RFPL2: variants seen among roughly 807,000 people sequenced by gnomAD.
RFPL2 encodes ret finger protein-like 2.
In RFPL2, 13 loss-of-function variants were observed where a neutral mutation model predicts 17.8. The observed-to-expected ratio is 0.73, with a 90% CI of 0.47 to 1.16. The LOEUF is 1.16. Among genes scored for constraint, RFPL2 ranks in the 50% most tolerant of loss-of-function variants. The pLI, the probability that RFPL2 is intolerant of heterozygous loss-of-function variation, is 0.00. For synonymous variants in RFPL2, 189 were observed against 180.9 expected (o/e 1.04, Z -0.36); for missense variants, 431 against 479.3 (o/e 0.90, Z 0.94).
rs1234870910 is a variant in RFPL2, at chr22:32,192,754, G to A, written c.556+148C>T. On this transcript the variant is annotated intron_variant, in intron 4 of 4. Transcript: ENST00000652607. ...TTGACATCACCAGGTGATTCTGTAT[G>A]TTGTCAGGGCTGAGAATCTGATGAT... 1.2e-5 allele frequency: 14 copies of A among 1,177,648 alleles called. No individual in the cohort carries two copies. In the Admixed American group the frequency reaches 3.0e-4, roughly 25 times the overall value. 72.9% of individuals were successfully genotyped at this position (1,177,648 alleles called of 1,614,324 possible).
chr22:32,192,323 G>A (rs1922749835), intron 4 of RFPL2, among the ~76,000 whole-genome samples: 1 of 152,140 alleles, frequency 6.6e-6, no homozygotes. Flanking sequence ...ATTTTCTGTA[G>A]CCAGGACCAC....
rs769634830 is a variant in RFPL2, at chr22:32,190,712, C to G, written c.*60G>C. Reference sequence around the variant, plus strand: ...AATGCTTTTACGAAGTAGAGCGTTCCTAAGTCTACCCACCCAAGTAATTTT... The same window carrying G: ...AATGCTTTTACGAAGTAGAGCGTTCGTAAGTCTACCCACCCAAGTAATTTT... On this transcript the variant is annotated 3_prime_UTR_variant, in exon 5 of 5. Transcript: ENST00000652607. 1 of 1,479,276 alleles carries G rather than the reference C, an allele frequency of 6.8e-7. No individual in the cohort carries two copies. Among genetic ancestry groups the G allele is most frequent in the Non-Finnish European group, 9.0e-7 (1 of 1,107,954 alleles). The allele number at this position is 1,479,276 out of a possible 1,614,324, so 91.6% of individuals were successfully genotyped here.
At chr22:32,199,900 G>A in intron 2 of RFPL2, 1 of 442,522 alleles carries the variant, frequency 2.3e-6, no homozygotes, top group Non-Finnish European at 4.6e-6. Flanking sequence ...CTGACCTCCT[G>A]CCGCTCGCCC....
At chr22:32,200,877 A>C (rs2123808096) in intron 2 of RFPL2, among the ~76,000 whole-genome samples, 1 of 152,126 alleles carries the variant, frequency 6.6e-6, no homozygotes, top group South Asian at 2.1e-4. Context: ...GCCCGCCTCG[A>C]TTCTTCACCT....
In RFPL2 at chr22:32,191,258, C is replaced by T. The variant is rs1200716952; in HGVS notation, c.651G>A (p.Arg217=). The T allele has an allele frequency of 1.2e-6, 2 of 1,613,956 alleles. No homozygotes were observed. The highest frequency in any genetic ancestry group is 2.2e-5 in the South Asian group (2 of 91,078). Residue 217 remains arginine, a synonymous_variant, in exon 5 of 5, where the codon CGG becomes CGA. Transcript: ENST00000652607. ...CGTCAAATCTCTCGGCAAGGTCTTGCCGATTCTGTCTGATGCGCCCACTTC... is the reference window on the plus strand; with the variant it reads ...CGTCAAATCTCTCGGCAAGGTCTTGTCGATTCTGTCTGATGCGCCCACTTC... The part of the protein sequence containing the change: ...SVRSGRIRQN[R]QDLAERFDVS...
At position 32,194,413 on chromosome 22, in the gene RFPL2, G is replaced by A. The variant is rs1264002217; in HGVS notation, c.197C>T (p.Ala66Val). 1.9e-6 allele frequency: 3 copies of A among 1,610,040 alleles called. No homozygotes were observed. Among genetic ancestry groups the A allele is most frequent in the Non-Finnish European group, 2.5e-6 (3 of 1,178,946 alleles). The change falls in exon 3 of 5, where the codon GCC becomes GTC. Residue 66 changes from alanine (A) to valine (V), a missense_variant. Coordinates refer to ENST00000652607, the MANE Select transcript of RFPL2 (RefSeq NM_001394555.1). ...GNLTNKRPSC[A>V]PSPQDLSAQW... ...GGCGCTCAGGTCTTGTGGGGAAGGGGCACACGAGGGCCTTTTATTGGTGAG... is the reference window on the plus strand; with the variant it reads ...GGCGCTCAGGTCTTGTGGGGAAGGGACACACGAGGGCCTTTTATTGGTGAG...
chr22:32,199,240 G>A (rs1255261582), intron 2 of RFPL2, among the ~76,000 whole-genome samples: 1 of 152,146 alleles, frequency 6.6e-6, no homozygotes, highest in African/African-American at 2.4e-5. Flanking sequence ...GCCGGGCAAA[G>A]GGTCACAGAA....
At chr22:32,200,647 A>G (rs940269070) in intron 2 of RFPL2, among the ~76,000 whole-genome samples, 3 of 151,840 alleles carry the variant, frequency 2.0e-5, no homozygotes, top group African/African-American at 7.3e-5. Flanking sequence ...CCCTGGCTGA[A>G]CCTTCAGATG....
chr22:32,204,609 G>A (rs543463068), intron 1 of RFPL2, among the ~76,000 whole-genome samples, 98 bp downstream of exon 1: 3 of 152,300 alleles, frequency 2.0e-5, no homozygotes, highest in African/African-American at 7.2e-5. Context: ...TTCTGGCTGC[G>A]GTCTAGTCTC....
At chr22:32,198,884 T>C (rs1923635214) in intron 2 of RFPL2, among the ~76,000 whole-genome samples, 1 of 152,144 alleles carries the variant, frequency 6.6e-6, no homozygotes, top group Non-Finnish European at 1.5e-5. Context: ...TAAAACTTGC[T>C]CTGTTCTGTC....
In RFPL2 at chr22:32,192,821, A is replaced by G. The variant is rs552355801; in HGVS notation, c.556+81T>C. On this transcript the variant is annotated intron_variant, in intron 4 of 4. Coordinates refer to ENST00000652607, the MANE Select transcript of RFPL2 (RefSeq NM_001394555.1). ...AGGTGCCAGACAGCAGCTAATCCCCATGTGGAATGAGGGGCCAACTGCACA... is the reference window on the plus strand; with the variant it reads ...AGGTGCCAGACAGCAGCTAATCCCCGTGTGGAATGAGGGGCCAACTGCACA... 2.0e-6 allele frequency: 3 copies of G among 1,515,374 alleles called. No individual in the cohort carries two copies. In the African/African-American group the frequency reaches 4.2e-5, roughly 21 times the overall value. 93.9% of individuals were successfully genotyped at this position (1,515,374 alleles called of 1,614,324 possible).
chr22:32,198,544 G>T (rs1300184015), intron 2 of RFPL2, among the ~76,000 whole-genome samples: 2 of 152,034 alleles, frequency 1.3e-5, no homozygotes, highest in African/African-American at 4.8e-5. Context: ...GTCACAGTGT[G>T]GGGTATTTCA....
intron 2 of RFPL2, among the ~76,000 whole-genome samples, chr22:32,196,350 T>C (rs1242705833): frequency 1.3e-5 from 2 of 152,236 alleles, no homozygotes; most frequent in Non-Finnish European, 2.9e-5. Context: ...AAGATTTTTT[T>C]CTTTGTATAT....
Position 32,192,981 on chromosome 22 carries a change from C to T in RFPL2, c.477G>A (p.Arg159=), listed in dbSNP as rs1335644127. The T allele has an allele frequency of 6.2e-7, 1 of 1,614,172 alleles. No homozygotes were observed. Among genetic ancestry groups the T allele is most frequent in the Non-Finnish European group, 8.5e-7 (1 of 1,180,038 alleles). Residue 159 remains arginine (R), a synonymous_variant, in exon 4 of 5, where the codon AGG becomes AGA. Coordinates refer to ENST00000652607, the MANE Select transcript of RFPL2 (RefSeq NM_001394555.1). The part of the protein sequence containing the change: ...NKIRRNRQLE[R]LASHIKELEP... Reference sequence around the variant, plus strand: ...CCAGTTCCTTGATGTGGGAAGCCAGCCTCTCTAGCTGCCGATTGCGCCTGA... The same window carrying T: ...CCAGTTCCTTGATGTGGGAAGCCAGTCTCTCTAGCTGCCGATTGCGCCTGA...
At chr22:32,193,370 T>A in intron 3 of RFPL2, 178 bp from the exon 4 acceptor site, 1 of 1,535,642 alleles carries the variant, frequency 6.5e-7, no homozygotes, top group South Asian at 1.3e-5. Flanking sequence ...CTTCAGAGAT[T>A]TGAAGTTCTA....
chr22:32,192,966 G>A lies in RFPL2; in HGVS notation c.492C>T (p.Ile164=). The change falls in exon 4 of 5, where the codon ATC becomes ATT. Residue 164 remains isoleucine, a synonymous_variant. Transcript: ENST00000652607. The stretch of plus-strand genomic sequence containing the variant: ...TCTTCAGCTTGGGCTCCAGTTCCTT[G>A]ATGTGGGAAGCCAGCCTCTCTAGCT... ...NRQLERLASH[I]KELEPKLKKI... is the part of the protein sequence containing the mutation. 6.2e-7 allele frequency: 1 copy of A among 1,614,174 alleles called. No homozygotes were observed. The highest frequency in any genetic ancestry group is 2.2e-5 in the East Asian group (1 of 44,880).
chr22:32,203,632 T>G (rs1424614482), intron 1 of RFPL2, among the ~76,000 whole-genome samples: 1 of 145,912 alleles, frequency 6.9e-6, no homozygotes, highest in African/African-American at 2.6e-5. Flanking sequence ...TACACGCTCC[T>G]GGCTGTGGGC....
At chr22:32,193,314 T>G in intron 3 of RFPL2, 122 bp from the exon 4 acceptor site, 1 of 1,591,374 alleles carries the variant, frequency 6.3e-7, no homozygotes, top group Non-Finnish European at 8.6e-7. Context: ...ACTCCGAGAA[T>G]AAGACCATGA....
At chr22:32,198,777 C>T (rs1923624699) in intron 2 of RFPL2, among the ~76,000 whole-genome samples, 1 of 152,074 alleles carries the variant, frequency 6.6e-6, no homozygotes, top group South Asian at 2.1e-4. Flanking sequence ...ACCGTGACCC[C>T]TTCACCTCTG....
Sources: gnomAD v4.1 joint callset for allele counts (sites outside exome capture counted in the v4.1 genomes callset) on GRCh38, gnomAD v4.1.1 for gene constraint, MANE v1.5 for transcripts, NCBI Gene and HGNC (gene_info 2026-07-23, HGNC 2026-07-21) for gene names.